ARHGEF38: variants seen among roughly 807,000 people sequenced by gnomAD.
ARHGEF38 encodes the protein Rho guanine nucleotide exchange factor (GEF) 38.
A neutral mutation model predicts 79.9 loss-of-function variants in ARHGEF38; 79 were observed. The ratio of observed to expected loss-of-function variants is 0.99; its 90% CI spans 0.82 to 1.19. The LOEUF is 1.19. Among genes scored for constraint, ARHGEF38 ranks in the 50% most tolerant of loss-of-function variants. ARHGEF38 has a pLI of 0.00. For synonymous variants in ARHGEF38, 366 were observed against 328.3 expected, an observed-to-expected ratio of 1.11 and a Z score of -1.24; for missense variants, 962 against 907.2, an observed-to-expected ratio of 1.06 and a Z score of -0.78.
rs559170463 is a variant in ARHGEF38, at chr4:105,580,812, A to G, written c.197-8436A>G. ...ACTACAACCTCCACCTTCCTGGTTC[A>G]AGCAATTCTCCACCACTAAGCCCGG... On this transcript the variant is annotated intron_variant, in intron 1 of 13. Transcript: ENST00000420470. Among the ~76,000 whole-genome samples the G allele has an allele frequency of 5.3e-5, 8 of 152,090 alleles. No homozygotes were observed. In the South Asian group the frequency reaches 1.7e-3, roughly 32 times the overall value.
chr4:105,668,701 GA>G (rs1215178781), intron 13 of ARHGEF38, among the ~76,000 whole-genome samples: 1 of 150,232 alleles, frequency 6.7e-6, no homozygotes, highest in African/African-American at 2.5e-5. Flanking sequence ...TAGATAGATA[GA>G]TAGATGATAG....
At chr4:105,558,395 G>C (rs1458763340) in intron 1 of ARHGEF38, among the ~76,000 whole-genome samples, 1 of 152,124 alleles carries the variant, frequency 6.6e-6, no homozygotes, top group Non-Finnish European at 1.5e-5. Context: ...TTTTGTTCGT[G>C]TCTGTTCTTT....
At chr4:105,660,256 T>C (rs1203560597) in intron 10 of ARHGEF38, among the ~76,000 whole-genome samples, 1 of 152,144 alleles carries the variant, frequency 6.6e-6, no homozygotes, top group African/African-American at 2.4e-5. Flanking sequence ...CATCCCCATT[T>C]TTGTTAGTTT....
At chr4:105,568,790 C>G (rs937602378) in intron 1 of ARHGEF38, among the ~76,000 whole-genome samples, 1 of 152,130 alleles carries the variant, frequency 6.6e-6, no homozygotes, top group Admixed American at 6.5e-5. Flanking sequence ...TGAGAATGTT[C>G]CAACATTCTT....
intron 11 of ARHGEF38, among the ~76,000 whole-genome samples, chr4:105,666,732 T>C (rs887044357): frequency 6.6e-6 from 1 of 152,172 alleles, no homozygotes; most frequent in Non-Finnish European, 1.5e-5. Context: ...GCGTCTTGAT[T>C]CTTGTCTAAT....
chr4:105,643,447 T>G (rs184097497), intron 5 of ARHGEF38, among the ~76,000 whole-genome samples: 164 of 152,318 alleles, frequency 1.1e-3, no homozygotes, highest in African/African-American at 3.8e-3. Context: ...AAAAAAATGT[T>G]GCCTTTGGGT....
chr4:105,589,959 A>G (rs1441750845), intron 2 of ARHGEF38, among the ~76,000 whole-genome samples: 1 of 151,698 alleles, frequency 6.6e-6, no homozygotes, highest in Non-Finnish European at 1.5e-5. Context: ...GAATTGCTTG[A>G]ACCCGGGAGA....
At chr4:105,673,846 T>C (rs1229865574) in intron 13 of ARHGEF38, among the ~76,000 whole-genome samples, 3 of 152,170 alleles carry the variant, frequency 2.0e-5, no homozygotes, top group Non-Finnish European at 2.9e-5. Flanking sequence ...AATTAAAACA[T>C]ATAATTGTTA....
At position 105,581,047 on chromosome 4, in the gene ARHGEF38, A is replaced by G. The variant is rs145983875; in HGVS notation, c.197-8201A>G. ...ATAATAGAGACTGTAAGGAAGAAGC[A>G]TTATTTGAAGTACTCCTTGTCTGTT... On this transcript the variant is annotated intron_variant, in intron 1 of 13. Transcript: ENST00000420470. 5.6e-3 allele frequency among the ~76,000 whole-genome samples: 847 copies of G among 152,234 alleles called. 3 individuals carry two copies. The highest frequency in any genetic ancestry group is 0.014 in the Middle Eastern group (4 of 294).
chr4:105,677,737 T>C lies in ARHGEF38; in HGVS notation c.2149-15T>C. 7.1e-7 allele frequency: 1 copy of C among 1,407,062 alleles called. No homozygotes were observed. Among genetic ancestry groups the C allele is most frequent in the Non-Finnish European group, 9.3e-7 (1 of 1,072,276 alleles). The allele number at this position is 1,407,062 out of a possible 1,614,324, so 87.2% of individuals were successfully genotyped here. A position where few individuals can be genotyped will look rare whatever the true frequency, so the allele number is the denominator to read the frequency against. ...AGGTTCCAATTCCAATAATGTCTTT[T>C]GTTTCTTTGTCTAGATTTTCTATGC... On this transcript the variant is annotated splice_polypyrimidine_tract_variant and intron_variant, in intron 13 of 13. Coordinates refer to ENST00000420470, the MANE Select transcript of ARHGEF38 (RefSeq NM_001242729.2).
intron 2 of ARHGEF38, among the ~76,000 whole-genome samples, chr4:105,590,074 A>AGAAGGAAGGAAGGAAGGAAGGAAG (rs70941203): frequency 1.8e-5 from 2 of 109,488 alleles, no homozygotes; most frequent in African/African-American, 7.5e-5. Flanking sequence ...AAAGAAAGAA[A>AGAAGGAAGGAAGGAAGGAAGGAAG]GAAGGAAGGA....
In ARHGEF38 at chr4:105,669,890, A is replaced by C. The variant is rs182193671; in HGVS notation, c.2148+2187A>C. ...ATCTTTTGTATAAACAAAATTGTAC[A>C]ATATGTGGTGTTTTACAGCTGCTTT... On this transcript the variant is annotated intron_variant, in intron 13 of 13. Coordinates refer to ENST00000420470, the MANE Select transcript of ARHGEF38 (RefSeq NM_001242729.2). Among the ~76,000 whole-genome samples the C allele has an allele frequency of 4.9e-3, 748 of 152,268 alleles. 34 individuals carry two copies. The highest frequency in any genetic ancestry group is 0.047 in the Admixed American group (716 of 15,294).
intron 1 of ARHGEF38, among the ~76,000 whole-genome samples, chr4:105,573,340 C>A (rs1347102509): frequency 6.6e-6 from 1 of 151,932 alleles, no homozygotes; most frequent in Non-Finnish European, 1.5e-5. Flanking sequence ...AAATTTTTGC[C>A]CTATGTTTTC....
intron 3 of ARHGEF38, among the ~76,000 whole-genome samples, chr4:105,619,721 G>GC: frequency 6.6e-6 from 1 of 152,278 alleles, no homozygotes; most frequent in African/African-American, 2.4e-5. Context: ...AAAAAGGATA[G>GC]CAGCAGCCCT....
intron 3 of ARHGEF38, among the ~76,000 whole-genome samples, chr4:105,621,472 A>G (rs992479621): frequency 2.6e-4 from 39 of 152,282 alleles, no homozygotes; most frequent in Admixed American, 1.2e-3. Flanking sequence ...TCTTGTATGC[A>G]TTTTCCTGAG....
intron 5 of ARHGEF38, among the ~76,000 whole-genome samples, chr4:105,643,964 T>G (rs1377357630): frequency 6.7e-6 from 1 of 149,176 alleles, no homozygotes; most frequent in Non-Finnish European, 1.5e-5. Flanking sequence ...CCTCCCCAGC[T>G]TAAGCAATCT....
At chr4:105,632,404 A>T (rs1729232930) in intron 4 of ARHGEF38, among the ~76,000 whole-genome samples, 1 of 152,178 alleles carries the variant, frequency 6.6e-6, no homozygotes, top group African/African-American at 2.4e-5. Flanking sequence ...CTTAAATATA[A>T]GATGTAATGA....
intron 7 of ARHGEF38, among the ~76,000 whole-genome samples, chr4:105,652,376 A>G (rs1730139817): frequency 6.6e-6 from 1 of 152,246 alleles, no homozygotes; most frequent in South Asian, 2.1e-4. Flanking sequence ...ACCGAAATCC[A>G]TCAGTGGAGA....
At chr4:105,667,405 C>T (rs1730791166) in intron 12 of ARHGEF38, 39 bp from the exon 13 acceptor site, 1 of 1,534,152 alleles carries the variant, frequency 6.5e-7, no homozygotes, top group South Asian at 1.2e-5. Flanking sequence ...AGAGTATACC[C>T]ATGAACTTGG....
Sources: allele counts gnomAD v4.1 joint callset (sites outside exome capture counted in the v4.1 genomes callset), GRCh38; gene constraint gnomAD v4.1.1; transcripts MANE v1.5; gene names NCBI Gene and HGNC (gene_info 2026-07-23, HGNC 2026-07-21).